The following ANKRD11 variants were observed in gnomAD, a reference collection of about 807,000 sequenced individuals.
ANKRD11 encodes ankyrin repeat domain 11.
A neutral mutation model predicts 195.7 loss-of-function variants in ANKRD11; 17 were observed. The observed-to-expected ratio is 0.09, with a 90% CI of 0.06 to 0.13. ANKRD11 has a LOEUF of 0.13. Among genes scored for constraint, ANKRD11 ranks in the 10% least tolerant of loss-of-function variants. The pLI is 1.00. For missense variants in ANKRD11, 3,735 were observed against 3,566.1 expected (o/e 1.05, Z -1.21); for synonymous variants, 1,953 against 1,528.1 (o/e 1.28, Z -6.49).
Position 89,353,350 on chromosome 16 carries a change from A to AG in ANKRD11, c.-59-36273_-59-36272insC, listed in dbSNP as rs1555550449. Among the ~76,000 whole-genome samples, 325 of 149,554 alleles carry AG rather than the reference A, an allele frequency of 2.2e-3. 1 individual carries two copies. Among genetic ancestry groups the AG allele is most frequent in the African/African-American group, 7.0e-3 (285 of 40,552 alleles). Reference sequence around the variant, plus strand: ...GAGTGAGACTCCAACTCCAAAAAAAAAGAGAGAGAGAGAGAGAGAGAGAAA... The same window carrying AG: ...GAGTGAGACTCCAACTCCAAAAAAAAGAGAGAGAGAGAGAGAGAGAGAGAAA... On this transcript the variant is annotated intron_variant, in intron 2 of 12. Transcript: ENST00000301030.
Position 89,483,412 on chromosome 16 carries a change from A to G in ANKRD11, c.-145+6833T>C, listed in dbSNP as rs565617154. Among the ~76,000 whole-genome samples, 4 of 152,382 alleles carry G rather than the reference A, an allele frequency of 2.6e-5. No individual in the cohort carries two copies. The East Asian group carries it at 7.7e-4, about 29-fold the overall frequency. On this transcript the variant is annotated intron_variant, in intron 1 of 12. Coordinates refer to ENST00000301030, the MANE Select transcript of ANKRD11 (RefSeq NM_013275.6). Reference sequence around the variant, plus strand: ...AGCATGAATGTAAATCTCATTGAATATGCTTAACATTTTACCTGAACTGTA... The same window carrying G: ...AGCATGAATGTAAATCTCATTGAATGTGCTTAACATTTTACCTGAACTGTA...
intron 9 of ANKRD11, among the ~76,000 whole-genome samples, chr16:89,275,622 C>A (rs763242904): frequency 6.6e-6 from 1 of 152,130 alleles, no homozygotes; most frequent in Non-Finnish European, 1.5e-5. Context: ...CAGGCTGTAA[C>A]GTGCACAGTG....
At chr16:89,471,782 CAAAAAAAAAAAAA>C (rs56391654) in intron 1 of ANKRD11, among the ~76,000 whole-genome samples, 15 of 53,494 alleles carry the variant, frequency 2.8e-4, no homozygotes, top group South Asian at 8.4e-4. Context: ...GACTCTGTCT[CAAAAAAAAAAAAA>C]AAAAAAAAAA....
At chr16:89,316,817 G>A in intron 3 of ANKRD11, 116 bp downstream of exon 3, 1 of 1,262,312 alleles carries the variant, frequency 7.9e-7, no homozygotes, top group African/African-American at 1.5e-5. Flanking sequence ...TGCAGACAGA[G>A]GCACGAGGAA....
chr16:89,460,903 A>C (rs2056630151), intron 1 of ANKRD11, among the ~76,000 whole-genome samples: 3 of 139,176 alleles, frequency 2.2e-5, no homozygotes, highest in Non-Finnish European at 4.7e-5. Context: ...ATGACCCCCC[A>C]CCCCTTACAG....
intron 2 of ANKRD11, chr16:89,323,279 G>T: frequency 7.8e-7 from 1 of 1,288,338 alleles, no homozygotes; most frequent in Non-Finnish European, 1.0e-6. Context: ...GGCCTACTGT[G>T]TGCAAAGCCC....
At chr16:89,323,562 C>CCCAGGGCAGGGGGG (rs2037493330) in intron 2 of ANKRD11, among the ~76,000 whole-genome samples, 1 of 31,468 alleles carries the variant, frequency 3.2e-5, no homozygotes, top group Non-Finnish European at 7.5e-5. Flanking sequence ...GGGGTCTGAG[C>CCCAGGGCAGGGGGG]TAAGGGCACG....
chr16:89,482,819 G>C lies in ANKRD11; in HGVS notation c.-145+7426C>G, dbSNP rs144295629. ...AAGCGGGTGGGCAGCAGGAGTCAGA[G>C]AGATGCCATGAGGCTGGCTTTGAAG... is the stretch of plus-strand genomic sequence containing the variant. On this transcript the variant is annotated intron_variant, in intron 1 of 12. Transcript: ENST00000301030. Among the ~76,000 whole-genome samples the C allele has an allele frequency of 3.0e-3, 452 of 152,322 alleles. 2 individuals carry two copies. Among genetic ancestry groups the C allele is most frequent in the African/African-American group, 0.01 (420 of 41,564 alleles).
intron 2 of ANKRD11, among the ~76,000 whole-genome samples, chr16:89,410,211 G>A (rs531419262): frequency 6.6e-6 from 1 of 152,296 alleles, no homozygotes; most frequent in Non-Finnish European, 1.5e-5. Context: ...GCACCTCACA[G>A]ATGCCAACCC....
chr16:89,283,556 C>T lies in ANKRD11; in HGVS notation c.2986G>A (p.Gly996Ser). 6.2e-7 allele frequency: 1 copy of T among 1,612,240 alleles called. No homozygotes were observed. Among genetic ancestry groups the T allele is most frequent in the Non-Finnish European group, 8.5e-7 (1 of 1,180,028 alleles). Residue 996 changes from glycine (G) to serine (S), a missense_variant, in exon 9 of 13, where the codon GGC becomes AGC. By Grantham distance (56) the Gly-to-Ser change is moderately conservative. Coordinates refer to ENST00000301030, the MANE Select transcript of ANKRD11 (RefSeq NM_013275.6). The surrounding 1 kb of genome is among the most constrained non-coding windows in gnomAD (Gnocchi z 4.3). ...TGGTGCCGTTCCCACGGCTCCAGGCCCTTCCCAAAGTCGCCGTCGGACTTG... is the reference window on the plus strand; with the variant it reads ...TGGTGCCGTTCCCACGGCTCCAGGCTCTTCCCAAAGTCGCCGTCGGACTTG... ...KDKSDGDFGKGLEPWERHHPA... is the reference protein window; with the variant it reads ...KDKSDGDFGKSLEPWERHHPA...
intron 2 of ANKRD11, among the ~76,000 whole-genome samples, chr16:89,369,143 C>G (rs569419442): frequency 6.6e-6 from 1 of 152,294 alleles, no homozygotes; most frequent in African/African-American, 2.4e-5. Flanking sequence ...ACCAACCACA[C>G]CAGATCACAG....
At chr16:89,408,051 C>G (rs926552343) in intron 2 of ANKRD11, among the ~76,000 whole-genome samples, 3 of 152,116 alleles carry the variant, frequency 2.0e-5, no homozygotes, top group African/African-American at 7.2e-5. Flanking sequence ...TGCCCCTGCC[C>G]TCAAGCTGGT....
At chr16:89,305,002 C>T in intron 4 of ANKRD11, 3 of 738,254 alleles carry the variant, frequency 4.1e-6, no homozygotes, top group Non-Finnish European at 6.4e-6. Context: ...TCCAATCGGC[C>T]CCATGGGCCT....
rs5818710 is a variant in ANKRD11, at chr16:89,347,607, TAA to T, written c.-59-30531_-59-30530del. On this transcript the variant is annotated intron_variant, in intron 2 of 12. Coordinates refer to ENST00000301030, the MANE Select transcript of ANKRD11 (RefSeq NM_013275.6). ...GCCTGGGCGACAGAGCGAGACTCCG[TAA>T]AAAAAAAAAAAAAAAGGTTCTGTTC... Among the ~76,000 whole-genome samples, 1,239 of 127,314 alleles carry T rather than the reference TAA, an allele frequency of 9.7e-3. 35 individuals carry two copies. The highest frequency in any genetic ancestry group is 0.059 in the East Asian group (258 of 4,338). The allele number at this position is 127,314 out of a possible 152,430, so 83.5% of individuals were successfully genotyped here.
intron 11 of ANKRD11, 46 bp downstream of exon 11, chr16:89,274,768 G>A (rs1196257987): frequency 2.0e-5 from 32 of 1,602,880 alleles, no homozygotes; most frequent in Non-Finnish European, 2.6e-5. Flanking sequence ...GGCGGGCAGG[G>A]TGCAGGCACT....
intron 2 of ANKRD11, among the ~76,000 whole-genome samples, chr16:89,317,442 G>C (rs1597609044): frequency 6.6e-6 from 1 of 152,204 alleles, no homozygotes; most frequent in Admixed American, 6.5e-5. Context: ...CCACAAGGCA[G>C]TCCCTTCCCC....
At chr16:89,417,946 G>T (rs781536055) in intron 2 of ANKRD11, among the ~76,000 whole-genome samples, 35 of 152,290 alleles carry the variant, frequency 2.3e-4, no homozygotes, top group Non-Finnish European at 4.6e-4. Context: ...GCACAGGGTG[G>T]GGGTCTCAGT....
intron 1 of ANKRD11, among the ~76,000 whole-genome samples, chr16:89,467,268 CAA>C (rs35667614): frequency 3.3e-4 from 48 of 146,666 alleles, no homozygotes; most frequent in East Asian, 2.6e-3. Context: ...CCCATCTCTA[CAA>C]AAAAAAAAAA....
At chr16:89,355,846 A>G (rs909725716) in intron 2 of ANKRD11, among the ~76,000 whole-genome samples, 4 of 152,304 alleles carry the variant, frequency 2.6e-5, no homozygotes, top group South Asian at 2.1e-4. Flanking sequence ...GCGCAGCCCA[A>G]TGGAAAGGCA....
Sources: gnomAD v4.1 joint callset for allele counts (sites outside exome capture counted in the v4.1 genomes callset) on GRCh38, gnomAD v4.1.1 for gene constraint, Gnocchi (gnomAD v3.1) non-coding constraint, MANE v1.5 for transcripts, NCBI Gene and HGNC (gene_info 2026-07-23, HGNC 2026-07-21) for gene names.